Variants in CASP10 observed in about 807,000 individuals in gnomAD.
CASP10 encodes caspase-10.
In CASP10, 41 loss-of-function variants were observed where a neutral mutation model predicts 48.5. The observed-to-expected ratio is 0.85, with a 90% CI of 0.66 to 1.10. The LOEUF (loss-of-function observed/expected upper bound fraction) is 1.10. CASP10 is among the 50% of genes least tolerant of loss of function. CASP10 has a pLI of 0.00. For missense variants in CASP10, 614 were observed against 614.5 expected (o/e 1.00, Z 0.01); for synonymous variants, 232 against 238.4 (o/e 0.97, Z 0.25).
intron 5 of CASP10, among the ~76,000 whole-genome samples, chr2:201,201,227 A>G (rs186640139): frequency 6.6e-6 from 1 of 151,428 alleles, no homozygotes; most frequent in East Asian, 1.9e-4. Context: ...TTTTTTTTGT[A>G]TTTTTAGTAG....
At chr2:201,208,046 C>G (rs1200547273) in intron 7 of CASP10, 29 bp from the exon 8 acceptor site, 1 of 1,523,570 alleles carries the variant, frequency 6.6e-7, no homozygotes, top group East Asian at 2.3e-5. Context: ...ATAAGGATTC[C>G]TACTAAGTGG....
At position 201,218,662 on chromosome 2, in the gene CASP10, T is replaced by C. The variant is rs1272784184; in HGVS notation, c.*921T>C. 1 of 985,298 alleles carries C rather than the reference T, an allele frequency of 1.0e-6. No homozygotes were observed. The highest frequency in any genetic ancestry group is 1.7e-5 in the African/African-American group (1 of 57,212). The allele number at this position is 985,298 out of a possible 1,614,324, so 61.0% of individuals were successfully genotyped here. On this transcript the variant is annotated 3_prime_UTR_variant, in exon 10 of 10. Transcript: ENST00000286186. ...CAAAAACCACGTTCTTAGCCTAGAT[T>C]GAGCTTAGATTGCCTCTCTAGACAA...
downstream of CASP10, among the ~76,000 whole-genome samples, chr2:201,225,502 C>T (rs1397953775): frequency 2.6e-5 from 4 of 152,138 alleles, no homozygotes; most frequent in Admixed American, 6.5e-5. Flanking sequence ...TTTGCACTCT[C>T]GGTCTGTTTT....
chr2:201,216,207 T>C (rs1028782981), intron 9 of CASP10, among the ~76,000 whole-genome samples: 4 of 150,852 alleles, frequency 2.7e-5, no homozygotes, highest in African/African-American at 9.7e-5. Context: ...ATATTTAAAT[T>C]AATAAGAAAA....
intron 4 of CASP10, chr2:201,193,514 T>G (rs1944685299): frequency 4.0e-6 from 1 of 250,940 alleles, no homozygotes; most frequent in African/African-American, 2.3e-5. Flanking sequence ...GGCCCGTGCA[T>G]GATGTTTACT....
chr2:201,188,249 A>G (rs1158534623), intron 3 of CASP10, among the ~76,000 whole-genome samples: 1 of 151,908 alleles, frequency 6.6e-6, no homozygotes, highest in East Asian at 1.9e-4. Flanking sequence ...GCATGATCTC[A>G]GCTCACTGCA....
rs1321250561 is a variant in CASP10 at position 201,221,298 on chromosome 2, ACCT to A, written c.*3561_*3563del. On this transcript the variant is annotated 3_prime_UTR_variant, in exon 10 of 10. Transcript: ENST00000286186. ...AGTTGGACAAAATGCTGTTGATAAA[ACCT>A]CCTGTCAGGCCTCTGAGCCCAAGCT... 1.0e-6 allele frequency: 1 copy of A among 985,556 alleles called. No individual in the cohort carries two copies. The highest frequency in any genetic ancestry group is 6.2e-5 in the Admixed American group (1 of 16,206). 61.1% of individuals were successfully genotyped at this position (985,556 alleles called of 1,614,324 possible). A position where few individuals can be genotyped will look rare whatever the true frequency, so the allele number is the denominator to read the frequency against.
At chr2:201,210,428 G>A (rs1945356399) in intron 9 of CASP10, among the ~76,000 whole-genome samples, 1 of 152,180 alleles carries the variant, frequency 6.6e-6, no homozygotes, top group Non-Finnish European at 1.5e-5. Flanking sequence ...TGACTTGCTT[G>A]AGCCTGTCTC....
intron 1 of CASP10, 50 bp from the exon 2 acceptor site, chr2:201,185,721 C>A (rs1404255394): frequency 8.5e-7 from 1 of 1,176,064 alleles, no homozygotes; most frequent in Non-Finnish European, 1.3e-6. Context: ...GTCAGGGGGC[C>A]ATATGTCCTC....
intron 3 of CASP10, among the ~76,000 whole-genome samples, chr2:201,191,237 A>C (rs2126014302): frequency 6.6e-6 from 1 of 152,280 alleles, no homozygotes; most frequent in East Asian, 1.9e-4. Flanking sequence ...TCAAATGCAC[A>C]TGTTCATGTG....
Position 201,219,501 on chromosome 2 carries a change from G to A in CASP10, c.*1760G>A. 1 of 985,440 alleles carries A rather than the reference G, an allele frequency of 1.0e-6. No homozygotes were observed. The highest frequency in any genetic ancestry group is 1.7e-5 in the African/African-American group (1 of 57,352). 61.0% of individuals were successfully genotyped at this position (985,440 alleles called of 1,614,324 possible). A position where few individuals can be genotyped will look rare whatever the true frequency, so the allele number is the denominator to read the frequency against. ...CAGATGCAGTAGACTGCAGTGGACA[G>A]TCCCCACCTTGTTACTGCTACTACA... On this transcript the variant is annotated 3_prime_UTR_variant, in exon 10 of 10. Coordinates refer to ENST00000286186, the MANE Select transcript of CASP10 (RefSeq NM_032977.4).
At chr2:201,216,806 G>C (rs1443918985) in intron 9 of CASP10, among the ~76,000 whole-genome samples, 1 of 152,160 alleles carries the variant, frequency 6.6e-6, no homozygotes, top group Non-Finnish European at 1.5e-5. Context: ...GAATGATGGA[G>C]CCACAATTTA....
chr2:201,206,129 C>T (rs1442810676), intron 7 of CASP10, 156 bp downstream of exon 7: 4 of 581,544 alleles, frequency 6.9e-6, no homozygotes, highest in Admixed American at 3.0e-5. Flanking sequence ...TTCTCCCTCT[C>T]TCTGTAATTA....
At chr2:201,229,100 C>G in exon 10 of CASP10, 1 of 1,613,816 alleles carries the variant, frequency 6.2e-7, no homozygotes, top group Non-Finnish European at 8.5e-7. Context: ...CCAGAGGCTT[C>G]CTTCTGCCTG....
In CASP10 at chr2:201,218,234, T is replaced by C. The variant is rs981238256; in HGVS notation, c.*493T>C. The C allele has an allele frequency of 3.8e-5, 39 of 1,014,138 alleles. No homozygotes were observed. Among genetic ancestry groups the C allele is most frequent in the South Asian group, 1.6e-4 (4 of 25,782 alleles). The allele number at this position is 1,014,138 out of a possible 1,614,324, so 62.8% of individuals were successfully genotyped here. A position where few individuals can be genotyped will look rare whatever the true frequency, so the allele number is the denominator to read the frequency against. On this transcript the variant is annotated 3_prime_UTR_variant, in exon 10 of 10. Coordinates refer to ENST00000286186, the MANE Select transcript of CASP10 (RefSeq NM_032977.4). ...CCACACCTGGCCAGAAAACTTTCAT[T>C]ATTGAAGACTTGGATTGTAGCCTTG...
downstream of CASP10, among the ~76,000 whole-genome samples, chr2:201,223,994 C>G (rs1473069592): frequency 6.9e-6 from 1 of 145,482 alleles, no homozygotes; most frequent in Non-Finnish European, 1.5e-5. Context: ...TTTTTTGAGA[C>G]GGAGTCTTGC....
intron 6 of CASP10, among the ~76,000 whole-genome samples, chr2:201,204,074 C>G (rs1464526322): frequency 6.6e-6 from 1 of 152,134 alleles, no homozygotes; most frequent in African/African-American, 2.4e-5. Context: ...CAGAAACAGC[C>G]CCCGCAGGGC....
chr2:201,220,798 T>C lies in CASP10; in HGVS notation c.*3057T>C. 1.0e-6 allele frequency: 1 copy of C among 985,388 alleles called. No individual in the cohort carries two copies. The highest frequency in any genetic ancestry group is 1.2e-6 in the Non-Finnish European group (1 of 829,942). 61.0% of individuals were successfully genotyped at this position (985,388 alleles called of 1,614,324 possible). A position where few individuals can be genotyped will look rare whatever the true frequency, so the allele number is the denominator to read the frequency against. On this transcript the variant is annotated 3_prime_UTR_variant, in exon 10 of 10. Transcript: ENST00000286186. ...CATAACAGTCAGGGCCAAAAGCTAGTGGTCACAGTCCTTGTCCAGTTGGCA... is the reference window on the plus strand; with the variant it reads ...CATAACAGTCAGGGCCAAAAGCTAGCGGTCACAGTCCTTGTCCAGTTGGCA...
At chr2:201,216,209 A>T (rs1209826661) in intron 9 of CASP10, among the ~76,000 whole-genome samples, 3 of 150,934 alleles carry the variant, frequency 2.0e-5, no homozygotes, top group Non-Finnish European at 4.4e-5. Context: ...ATTTAAATTA[A>T]TAAGAAAAAA....
Sources: gnomAD v4.1 joint callset for allele counts (sites outside exome capture counted in the v4.1 genomes callset) on GRCh38, gnomAD v4.1.1 for gene constraint, MANE v1.5 for transcripts, NCBI Gene and HGNC (gene_info 2026-07-23, HGNC 2026-07-21) for gene names.